TNIK: variants seen among roughly 807,000 people sequenced by gnomAD.
The protein encoded by TNIK is TRAF2 and NCK interacting kinase, also known as TRAF2 and NCK-interacting protein kinase.
TNIK carries 49 observed loss-of-function variants against 191.3 expected under a neutral mutation model. The observed-to-expected ratio is 0.26, with a 90% CI of 0.20 to 0.32. TNIK has a LOEUF of 0.32. Ranked by LOEUF, TNIK falls within the 10% of genes least tolerant of loss-of-function variation. The pLI is 1.00. For missense variants in TNIK, 1,155 were observed against 1,702.3 expected (o/e 0.68, Z 5.66); for synonymous variants, 594 against 600.9 (o/e 0.99, Z 0.17).
In TNIK at chr3:171,460,313, C is replaced by T. The variant is rs1729332873; in HGVS notation, c.-250G>A. On this transcript the variant is annotated 5_prime_UTR_variant, in exon 1 of 33. Transcript: ENST00000436636. This position sits in a 1 kb window ranked among gnomAD's most constrained non-coding sequence, Gnocchi z 6.8. ...CAGCGGTGCGTGTGGGCTGAGCGCC[C>T]CGATCGGCTAAGGGCGCTGGGGCTG... 1 of 578,166 alleles carries T rather than the reference C, an allele frequency of 1.7e-6. No individual in the cohort carries two copies. Among genetic ancestry groups the T allele is most frequent in the Non-Finnish European group, 3.1e-6 (1 of 327,138 alleles). The allele number at this position is 578,166 out of a possible 1,614,324, so 35.8% of individuals were successfully genotyped here. A position where few individuals can be genotyped will look rare whatever the true frequency, so the allele number is the denominator to read the frequency against.
intron 2 of TNIK, among the ~76,000 whole-genome samples, chr3:171,356,994 T>C (rs1714179761): frequency 6.6e-6 from 1 of 152,188 alleles, no homozygotes; most frequent in African/African-American, 2.4e-5. Flanking sequence ...AAGTGTGCAA[T>C]GGGCTATTTA....
At chr3:171,401,659 A>G (rs1048219298) in intron 1 of TNIK, among the ~76,000 whole-genome samples, 23 of 152,138 alleles carry the variant, frequency 1.5e-4, no homozygotes, top group Admixed American at 1.4e-3. Flanking sequence ...AGGAGCATCA[A>G]GGTACATCGT....
At chr3:171,422,679 C>T (rs1723986239) in intron 1 of TNIK, among the ~76,000 whole-genome samples, 1 of 152,098 alleles carries the variant, frequency 6.6e-6, no homozygotes, top group South Asian at 2.1e-4. Flanking sequence ...TACCATGGGA[C>T]CCTAAGTTAG....
chr3:171,314,295 T>A (rs910687465), intron 2 of TNIK, among the ~76,000 whole-genome samples: 1 of 152,198 alleles, frequency 6.6e-6, no homozygotes, highest in Non-Finnish European at 1.5e-5. Context: ...GTGGCCTATC[T>A]GGCCTTCCCC....
At chr3:171,247,375 G>A (rs1242647062) in intron 2 of TNIK, among the ~76,000 whole-genome samples, 3 of 152,244 alleles carry the variant, frequency 2.0e-5, no homozygotes, top group African/African-American at 7.2e-5. Context: ...TGTAGATGGT[G>A]TTTTGGAGAA....
rs1401035886 is a variant in TNIK, at chr3:171,059,457, A to G, written c.*4424T>C. On this transcript the variant is annotated 3_prime_UTR_variant, in exon 33 of 33. Coordinates refer to ENST00000436636, the MANE Select transcript of TNIK (RefSeq NM_015028.4). ...TTTAATGCTAAGCAAACTGTTGAAT[A>G]TTCTAGTTATCAATGGAAGAATTCC... 6.6e-6 allele frequency among the ~76,000 whole-genome samples: 1 copy of G among 152,194 alleles called. No homozygotes were observed. Among genetic ancestry groups the G allele is most frequent in the African/African-American group, 2.4e-5 (1 of 41,454 alleles).
At chr3:171,198,237 T>C (rs1480853951) in intron 4 of TNIK, among the ~76,000 whole-genome samples, 4 of 146,926 alleles carry the variant, frequency 2.7e-5, no homozygotes, top group African/African-American at 5.0e-5. Flanking sequence ...TGCTCCAGCC[T>C]GGGTGACAGA....
At chr3:171,347,575 G>A (rs1334162042) in intron 2 of TNIK, among the ~76,000 whole-genome samples, 3 of 152,116 alleles carry the variant, frequency 2.0e-5, no homozygotes, top group Admixed American at 2.0e-4. Context: ...TTCTTTTCAA[G>A]AGAGCAAAGA....
intron 3 of TNIK, among the ~76,000 whole-genome samples, chr3:171,222,728 G>C (rs146632580): frequency 3.2e-4 from 48 of 152,232 alleles, no homozygotes; most frequent in Admixed American, 5.2e-4. Context: ...GAAAGAGATG[G>C]AGGCTGGTCA....
At chr3:171,260,784 A>AAC (rs1747504367) in intron 2 of TNIK, among the ~76,000 whole-genome samples, 1 of 152,192 alleles carries the variant, frequency 6.6e-6, no homozygotes, top group African/African-American at 2.4e-5. Flanking sequence ...AACTCAATAG[A>AAC]ACCTTCCTTT....
chr3:171,136,260 T>C (rs1407730213), intron 15 of TNIK, among the ~76,000 whole-genome samples: 1 of 152,226 alleles, frequency 6.6e-6, no homozygotes, highest in Non-Finnish European at 1.5e-5. Flanking sequence ...CGCTTAGCGA[T>C]GCAGCATTTC....
chr3:171,458,491 TG>T lies in TNIK; in HGVS notation c.57+1515del, dbSNP rs1326925872. ...TTTCTTCTCAACTCCTTACTTGCCT[TG>T]CTGAAACCTCATCTCTTAGCCCAAC... On this transcript the variant is annotated intron_variant, in intron 1 of 32. Coordinates refer to ENST00000436636, the MANE Select transcript of TNIK (RefSeq NM_015028.4). 2.6e-5 allele frequency among the ~76,000 whole-genome samples: 4 copies of T among 152,272 alleles called. No individual in the cohort carries two copies. In the East Asian group the frequency reaches 5.8e-4, roughly 22 times the overall value.
chr3:171,425,592 G>A (rs888429341), intron 1 of TNIK, among the ~76,000 whole-genome samples: 1 of 152,150 alleles, frequency 6.6e-6, no homozygotes, highest in Non-Finnish European at 1.5e-5. Flanking sequence ...TTGGGAGGCT[G>A]AGGAGGGTGG....
intron 1 of TNIK, 74 bp downstream of exon 1, chr3:171,459,933 C>T: frequency 1.4e-6 from 2 of 1,463,808 alleles, no homozygotes; most frequent in Admixed American, 2.0e-5. Context: ...CCAGCCCCAG[C>T]CCCCAGTCCA....
intron 12 of TNIK, among the ~76,000 whole-genome samples, chr3:171,155,180 T>G (rs1733005478): frequency 6.6e-6 from 1 of 152,180 alleles, no homozygotes; most frequent in African/African-American, 2.4e-5. Context: ...TTTAACAGTT[T>G]CTATATGACA....
intron 30 of TNIK, among the ~76,000 whole-genome samples, chr3:171,067,093 T>C (rs61791138): frequency 0.066 from 10,002 of 152,266 alleles, 423 homozygotes; most frequent in Middle Eastern, 0.13. Flanking sequence ...CTTTGTGTCT[T>C]AACCAAAGTT....
At chr3:171,244,773 C>T (rs914401141) in intron 2 of TNIK, among the ~76,000 whole-genome samples, 1 of 151,242 alleles carries the variant, frequency 6.6e-6, no homozygotes, top group Admixed American at 6.6e-5. Flanking sequence ...TTAGAAAAAT[C>T]AACTCAATAG....
chr3:171,191,314 C>T (rs939954573), intron 5 of TNIK, among the ~76,000 whole-genome samples: 4 of 152,208 alleles, frequency 2.6e-5, no homozygotes, highest in East Asian at 1.9e-4. Context: ...ATGGCGTGGT[C>T]TGGGCTCACT....
intron 22 of TNIK, among the ~76,000 whole-genome samples, chr3:171,096,968 A>C (rs562837287): frequency 6.6e-6 from 1 of 152,366 alleles, no homozygotes; most frequent in Non-Finnish European, 1.5e-5. Context: ...ATCTTGAGCA[A>C]TCAATGTTAA....
Sources: gnomAD v4.1 joint callset for allele counts (sites outside exome capture counted in the v4.1 genomes callset) on GRCh38, gnomAD v4.1.1 for gene constraint, Gnocchi (gnomAD v3.1) non-coding constraint, MANE v1.5 for transcripts, NCBI Gene and HGNC (gene_info 2026-07-23, HGNC 2026-07-21) for gene names.